The following TRPM1 variants were observed in gnomAD, a reference collection of about 807,000 sequenced individuals.
The protein encoded by TRPM1 is transient receptor potential cation channel subfamily M member 1, also known as TRPM1-203 APA Isoform, Intron 10.
In TRPM1, 113 loss-of-function variants were observed where a neutral mutation model predicts 149.4. The ratio of observed to expected loss-of-function variants is 0.76; its 90% CI spans 0.65 to 0.88. The LOEUF (loss-of-function observed/expected upper bound fraction) is 0.88, where lower values mean the gene tolerates loss of function less well. TRPM1 is among the 40% of genes least tolerant of loss of function. The pLI, the probability that TRPM1 is intolerant of heterozygous loss-of-function variation, is 0.00. For missense variants in TRPM1, 1,976 were observed against 2,038.7 expected, an observed-to-expected ratio of 0.97 and a Z score of 0.59; for synonymous variants, 741 against 759.5, an observed-to-expected ratio of 0.98 and a Z score of 0.40.
At chr15:31,024,716 G>A (rs2140896224) in intron 27 of TRPM1, among the ~76,000 whole-genome samples, 1 of 152,212 alleles carries the variant, frequency 6.6e-6, no homozygotes, top group Middle Eastern at 3.4e-3. Flanking sequence ...GTAAATGACT[G>A]GTTAAAATTA....
chr15:31,089,117 T>G (rs972213675), intron 1 of TRPM1, among the ~76,000 whole-genome samples: 1 of 152,222 alleles, frequency 6.6e-6, no homozygotes, highest in African/African-American at 2.4e-5. Context: ...AAATTCGTGA[T>G]GAATACAGTG....
At chr15:31,042,821 A>G (rs2033661782) in intron 16 of TRPM1, among the ~76,000 whole-genome samples, 1 of 152,202 alleles carries the variant, frequency 6.6e-6, no homozygotes, top group Non-Finnish European at 1.5e-5. Flanking sequence ...CCCATTTCCT[A>G]AAGGGGTTAT....
chr15:31,042,507 G>A lies in TRPM1; in HGVS notation c.1795-264C>T, dbSNP rs538624671. ...CCTGGGTCAGCAGTTTTACTTAGAA[G>A]CCTTTAACTGAGGCGACGCTGCAAA... On this transcript the variant is annotated intron_variant, in intron 16 of 27. Coordinates refer to ENST00000256552, the MANE Select transcript of TRPM1 (RefSeq NM_001252024.2). 3.3e-5 allele frequency among the ~76,000 whole-genome samples: 5 copies of A among 152,316 alleles called. No homozygotes were observed. The South Asian group carries it at 6.2e-4, about 19-fold the overall frequency.
At chr15:31,105,449 GTGTGTGTGTGTGTGTGTGT>G, upstream of TRPM1, among the ~76,000 whole-genome samples, 1 of 48,070 alleles carries the variant, frequency 2.1e-5, no homozygotes, top group South Asian at 8.6e-4. Flanking sequence ...GTGTGTGTGT[GTGTGTGTGTGTGTGTGTGT>G]GTGTGCGCGC....
chr15:31,065,252 A>T (rs1225014087), intron 7 of TRPM1: 1 of 414,892 alleles, frequency 2.4e-6, no homozygotes, highest in Non-Finnish European at 4.9e-6. Context: ...GGAAATCTAC[A>T]ACTTTTCCTA....
intron 7 of TRPM1, among the ~76,000 whole-genome samples, chr15:31,065,345 T>C (rs1478988512): frequency 6.6e-6 from 1 of 152,186 alleles, no homozygotes; most frequent in Non-Finnish European, 1.5e-5. Flanking sequence ...CAGGACTAGA[T>C]GGTCTCCCAC....
intron 1 of TRPM1, among the ~76,000 whole-genome samples, chr15:31,120,345 G>A (rs1366045793): frequency 2.6e-5 from 4 of 152,110 alleles, no homozygotes; most frequent in African/African-American, 7.2e-5. Flanking sequence ...AGTTCTCCAA[G>A]AAGATGTAAG....
chr15:31,017,821 C>G (rs948566262), intron 27 of TRPM1, among the ~76,000 whole-genome samples: 1 of 152,098 alleles, frequency 6.6e-6, no homozygotes, highest in Non-Finnish European at 1.5e-5. Flanking sequence ...ATGGCAATAC[C>G]TGAATTTGTG....
At chr15:31,061,724 G>T (rs1368606146) in intron 9 of TRPM1, among the ~76,000 whole-genome samples, 26 of 146,686 alleles carry the variant, frequency 1.8e-4, no homozygotes, top group Non-Finnish European at 6.0e-5. Flanking sequence ...CGCTCTTGTC[G>T]CCCAGGCTGG....
intron 1 of TRPM1, among the ~76,000 whole-genome samples, chr15:31,150,917 T>C (rs1408924537): frequency 6.6e-6 from 1 of 151,910 alleles, no homozygotes; most frequent in African/African-American, 2.4e-5. Context: ...AACAAAGCAA[T>C]ATGGAGTATC....
chr15:31,054,172 C>T (rs1249322896), intron 11 of TRPM1, among the ~76,000 whole-genome samples: 2 of 152,094 alleles, frequency 1.3e-5, no homozygotes, highest in African/African-American at 4.8e-5. Context: ...GATGATTTTC[C>T]TTCAAAAATT....
intron 27 of TRPM1, among the ~76,000 whole-genome samples, chr15:31,013,008 T>A (rs1169545434): frequency 5.3e-5 from 8 of 150,076 alleles, no homozygotes; most frequent in Admixed American, 1.3e-4. Context: ...TTTGACACTG[T>A]CTTGCTCTAT....
chr15:31,104,607 T>C (rs972487747), upstream of TRPM1, among the ~76,000 whole-genome samples: 15 of 145,072 alleles, frequency 1.0e-4, no homozygotes, highest in African/African-American at 3.8e-4. Flanking sequence ...TTTTTTTTTT[T>C]TTTTGAGACG....
intron 1 of TRPM1, among the ~76,000 whole-genome samples, chr15:31,142,634 A>G (rs1323230834): frequency 6.6e-6 from 1 of 152,236 alleles, no homozygotes; most frequent in East Asian, 1.9e-4. Flanking sequence ...ATTATTTCAC[A>G]GTGACTTGTA....
At chr15:31,116,472 G>A (rs1312989313) in intron 1 of TRPM1, among the ~76,000 whole-genome samples, 1 of 152,052 alleles carries the variant, frequency 6.6e-6, no homozygotes, top group South Asian at 2.1e-4. Context: ...GCTGGGTGTG[G>A]TGGCATGAGC....
chr15:31,030,852 T>C, intron 23 of TRPM1, 131 bp downstream of exon 23: 2 of 999,814 alleles, frequency 2.0e-6, no homozygotes, highest in South Asian at 2.9e-5. Flanking sequence ...CTTTGTAAAA[T>C]AATTTGATGC....
At chr15:31,073,747 A>G (rs376175897) in intron 3 of TRPM1, among the ~76,000 whole-genome samples, 3 of 152,072 alleles carry the variant, frequency 2.0e-5, no homozygotes, top group Non-Finnish European at 4.4e-5. Flanking sequence ...AAAATGTTGA[A>G]TAGAAGTAGC....
intron 1 of TRPM1, among the ~76,000 whole-genome samples, chr15:31,144,711 G>C: frequency 7.0e-6 from 1 of 142,932 alleles, no homozygotes; most frequent in Non-Finnish European, 1.5e-5. Context: ...TTGTTTTTGA[G>C]ATTTTTTTTT....
At chr15:31,034,809 T>A (rs1264497543) in intron 21 of TRPM1, among the ~76,000 whole-genome samples, 1 of 152,264 alleles carries the variant, frequency 6.6e-6, no homozygotes, top group Non-Finnish European at 1.5e-5. Flanking sequence ...TTGGTTTATC[T>A]CAGGTCGCTG....
Sources: allele counts gnomAD v4.1 joint callset (sites outside exome capture counted in the v4.1 genomes callset), GRCh38; gene constraint gnomAD v4.1.1; transcripts MANE v1.5; gene names NCBI Gene and HGNC (gene_info 2026-07-23, HGNC 2026-07-21).